CSTA: variants seen among roughly 807,000 people sequenced by gnomAD.
The protein encoded by CSTA is cystatin A.
Under a neutral mutation model 9.2 loss-of-function variants are expected in CSTA, and 9 were observed. The ratio of observed to expected loss-of-function variants is 0.97; its 90% CI spans 0.59 to 1.70. The LOEUF (loss-of-function observed/expected upper bound fraction) is 1.70. Among genes scored for constraint, CSTA ranks in the 40% most tolerant of loss-of-function variants. CSTA has a pLI of 0.00. For synonymous variants in CSTA, 36 were observed against 40.6 expected (o/e 0.89, Z 0.43); for missense variants, 118 against 113.1 (o/e 1.04, Z -0.20).
At chr3:122,340,742 C>T (rs2075261294) in intron 2 of CSTA, among the ~76,000 whole-genome samples, 1 of 152,184 alleles carries the variant, frequency 6.6e-6, no homozygotes, top group African/African-American at 2.4e-5. Flanking sequence ...TGATTTTCTT[C>T]TCCCTTATCA....
chr3:122,340,019 T>C (rs1233133265), intron 2 of CSTA, among the ~76,000 whole-genome samples: 2 of 152,242 alleles, frequency 1.3e-5, no homozygotes, highest in African/African-American at 2.4e-5. Flanking sequence ...TGCTCCACTT[T>C]TCTTCAGGCC....
intron 2 of CSTA, chr3:122,337,861 T>C (rs1315088889): frequency 1.3e-5 from 7 of 553,904 alleles, no homozygotes; most frequent in Non-Finnish European, 2.3e-5. Context: ...ATTACATTGA[T>C]TCTTGATTTC....
At chr3:122,338,103 T>A (rs960167805) in intron 2 of CSTA, 3 of 158,620 alleles carry the variant, frequency 1.9e-5, no homozygotes, top group Non-Finnish European at 4.2e-5. Context: ...AATTTAAACC[T>A]TTTTTGCCCT....
At chr3:122,335,636 A>G (rs574079704) in intron 1 of CSTA, among the ~76,000 whole-genome samples, 7 of 151,600 alleles carry the variant, frequency 4.6e-5, no homozygotes, top group Non-Finnish European at 8.8e-5. Flanking sequence ...TTATTTATTT[A>G]TTTATGTATT....
chr3:122,338,914 C>G (rs34830005), intron 2 of CSTA, among the ~76,000 whole-genome samples: 14,353 of 152,096 alleles, frequency 0.094, 1,321 homozygotes, highest in East Asian at 0.43. Flanking sequence ...CCTTGACCAC[C>G]CTTTTGCCCT....
rs539735790 is a variant in CSTA, at chr3:122,328,075, A to G, written c.66+2717A>G. On this transcript the variant is annotated intron_variant, in intron 1 of 2. Coordinates refer to ENST00000264474, the MANE Select transcript of CSTA (RefSeq NM_005213.4). ...TAAGAACAGCTACCTCACCCCAGAA[A>G]GGGGTTTTGCAGTTTTTAAAAGCTT... 2.0e-5 allele frequency among the ~76,000 whole-genome samples: 3 copies of G among 152,310 alleles called. No homozygotes were observed. The South Asian group carries it at 6.2e-4, about 32-fold the overall frequency.
intron 2 of CSTA, among the ~76,000 whole-genome samples, chr3:122,341,089 G>A (rs1428491534): frequency 6.6e-6 from 1 of 151,862 alleles, no homozygotes; most frequent in Non-Finnish European, 1.5e-5. Flanking sequence ...TTACAGGCAT[G>A]CACCACCATG....
intron 2 of CSTA, among the ~76,000 whole-genome samples, chr3:122,338,608 G>T (rs1250752952): frequency 1.3e-5 from 2 of 151,948 alleles, no homozygotes; most frequent in African/African-American, 4.8e-5. Flanking sequence ...CCAAATGTGA[G>T]CTCCTAGTAA....
At chr3:122,337,951 G>A in intron 2 of CSTA, 1 of 360,576 alleles carries the variant, frequency 2.8e-6, no homozygotes, top group South Asian at 2.5e-5. Flanking sequence ...AGGTAAGGAG[G>A]GAGGATCACG....
intron 1 of CSTA, among the ~76,000 whole-genome samples, chr3:122,329,331 T>C (rs1392553229): frequency 3.3e-5 from 5 of 152,050 alleles, no homozygotes; most frequent in Middle Eastern, 3.2e-3. Context: ...CCCAGCACTT[T>C]AGAAGGCAGA....
At chr3:122,325,834 T>C (rs1158892559) in intron 1 of CSTA, among the ~76,000 whole-genome samples, 1 of 152,220 alleles carries the variant, frequency 6.6e-6, no homozygotes, top group Non-Finnish European at 1.5e-5. Context: ...ACAAACTTCA[T>C]ACACTTTTGC....
At chr3:122,330,302 A>G (rs1463164599) in intron 1 of CSTA, among the ~76,000 whole-genome samples, 1 of 152,214 alleles carries the variant, frequency 6.6e-6, no homozygotes, top group African/African-American at 2.4e-5. Flanking sequence ...GAAGTTTATC[A>G]GCTTTCCTTG....
At chr3:122,328,844 G>A (rs1024109963) in intron 1 of CSTA, among the ~76,000 whole-genome samples, 1 of 151,796 alleles carries the variant, frequency 6.6e-6, no homozygotes, top group Non-Finnish European at 1.5e-5. Context: ...AGGAGGCTGA[G>A]GCAGGAGAAT....
At position 122,341,658 on chromosome 3, in the gene CSTA, T is replaced by G; in HGVS notation, c.*91T>G. ...TATAACCATCAATAAAGAAGCATTC[T>G]TTTCCAAAGAAATTATTTCTTCAAT... On this transcript the variant is annotated 3_prime_UTR_variant, in exon 3 of 3. Coordinates refer to ENST00000264474, the MANE Select transcript of CSTA (RefSeq NM_005213.4). The G allele has an allele frequency of 6.9e-7, 1 of 1,453,630 alleles. No individual in the cohort carries two copies. The highest frequency in any genetic ancestry group is 9.5e-7 in the Non-Finnish European group (1 of 1,047,222). 90.0% of individuals were successfully genotyped at this position (1,453,630 alleles called of 1,614,324 possible).
chr3:122,340,072 A>G (rs953948286), intron 2 of CSTA, among the ~76,000 whole-genome samples: 1 of 152,248 alleles, frequency 6.6e-6, no homozygotes, highest in African/African-American at 2.4e-5. Context: ...AATGTTCATC[A>G]TAGTGTCTGG....
intron 1 of CSTA, among the ~76,000 whole-genome samples, chr3:122,334,875 A>G (rs555565952): frequency 6.6e-6 from 1 of 152,348 alleles, no homozygotes; most frequent in East Asian, 1.9e-4. Flanking sequence ...GCAGAACGTC[A>G]CAATGGCGCA....
chr3:122,341,534 C>T lies in CSTA; in HGVS notation c.264C>T (p.Asp88=), dbSNP rs1418851322. 1.2e-6 allele frequency: 2 copies of T among 1,614,128 alleles called. No homozygotes were observed. Among genetic ancestry groups the T allele is most frequent in the South Asian group, 2.2e-5 (2 of 91,080 alleles). ...TGGTACTTACTGGATACCAGGTTGA[C>T]AAAAACAAGGATGACGAGCTGACGG... ...EDLVLTGYQV[D]KNKDDELTGF is the part of the protein sequence containing the mutation. Residue 88 remains aspartate (D), a synonymous_variant, in exon 3 of 3, where the codon GAC becomes GAT. Transcript: ENST00000264474.
At chr3:122,331,841 G>T (rs2075206539) in intron 1 of CSTA, among the ~76,000 whole-genome samples, 1 of 152,156 alleles carries the variant, frequency 6.6e-6, no homozygotes, top group Non-Finnish European at 1.5e-5. Context: ...TCTTAGGCCA[G>T]CTGTCCCCAA....
intron 1 of CSTA, among the ~76,000 whole-genome samples, chr3:122,333,113 C>T (rs574466795): frequency 6.6e-6 from 1 of 152,328 alleles, no homozygotes; most frequent in South Asian, 2.1e-4. Flanking sequence ...AGAAACAAAC[C>T]AGATCTTTTA....
Sources: allele counts gnomAD v4.1 joint callset (sites outside exome capture counted in the v4.1 genomes callset), GRCh38; gene constraint gnomAD v4.1.1; transcripts MANE v1.5; gene names NCBI Gene and HGNC (gene_info 2026-07-23, HGNC 2026-07-21).